TPTE: variants seen among roughly 807,000 people sequenced by gnomAD.
The protein encoded by TPTE is transmembrane phosphatase with tensin homology, also known as putative tyrosine-protein phosphatase TPTE.
TPTE carries 59 observed loss-of-function variants against 84.1 expected under a neutral mutation model. That is an observed-to-expected ratio of 0.70 (90% confidence interval 0.57 to 0.87). The LOEUF (loss-of-function observed/expected upper bound fraction) is 0.87, where lower values mean the gene tolerates loss of function less well. Among genes scored for constraint, TPTE ranks in the 40% least tolerant of loss-of-function variants. TPTE has a pLI of 0.00. For missense variants in TPTE, 382 were observed against 659.6 expected (o/e 0.58, Z 4.61); for synonymous variants, 130 against 223.5 (o/e 0.58, Z 3.73).
intron 1 of TPTE, among the ~76,000 whole-genome samples, chr21:10,522,556 T>C (rs1446098957): frequency 6.6e-6 from 1 of 152,310 alleles, no homozygotes; most frequent in Non-Finnish European, 1.5e-5. Flanking sequence ...CAGCATTGTT[T>C]CTTATTGTAG....
intron 9 of TPTE, among the ~76,000 whole-genome samples, chr21:10,559,894 GAAAA>G (rs1487667911): frequency 4.3e-5 from 6 of 138,086 alleles, no homozygotes; most frequent in Non-Finnish European, 6.3e-5. Context: ...AAAAAAAAAA[GAAAA>G]GAAAATATAT....
intron 1 of TPTE, among the ~76,000 whole-genome samples, chr21:10,523,005 T>C (rs924937349): frequency 5.3e-5 from 8 of 152,310 alleles, no homozygotes; most frequent in Admixed American, 2.0e-4. Context: ...CAACCTTGTC[T>C]ATTTTAGTGA....
intron 7 of TPTE, among the ~76,000 whole-genome samples, chr21:10,543,695 G>T (rs1450715217): frequency 6.6e-6 from 1 of 151,994 alleles, no homozygotes; most frequent in African/African-American, 2.4e-5. Context: ...AGGTCAGTTC[G>T]TAGGAGAGCT....
At chr21:10,553,874 T>C (rs1392895535) in intron 8 of TPTE, among the ~76,000 whole-genome samples, 5 of 152,424 alleles carry the variant, frequency 3.3e-5, no homozygotes, top group Middle Eastern at 3.4e-3. Context: ...TTTAAAAAAT[T>C]AGTAATAAAA....
At chr21:10,596,240 C>T (rs1359469046) in intron 20 of TPTE, among the ~76,000 whole-genome samples, 153 bp downstream of exon 20, 3 of 152,284 alleles carry the variant, frequency 2.0e-5, no homozygotes, top group Non-Finnish European at 2.9e-5. Flanking sequence ...ATTTATGCCG[C>T]TCCTCCTGCA....
chr21:10,597,783 T>C (rs2075615982), intron 20 of TPTE, among the ~76,000 whole-genome samples: 1 of 151,248 alleles, frequency 6.6e-6, no homozygotes, highest in South Asian at 2.1e-4. Context: ...AGCTGAACTA[T>C]ATGTATTTTT....
chr21:10,536,524 A>G (rs1265697121), intron 3 of TPTE, among the ~76,000 whole-genome samples: 1 of 152,308 alleles, frequency 6.6e-6, no homozygotes, highest in African/African-American at 2.4e-5. Context: ...AAAGAAATAT[A>G]TATGCAGATA....
chr21:10,523,657 A>T (rs36179666), intron 1 of TPTE, among the ~76,000 whole-genome samples: 1 of 152,300 alleles, frequency 6.6e-6, no homozygotes, highest in African/African-American at 2.4e-5. Context: ...ATAGTATTCC[A>T]TGGTGTATAT....
At chr21:10,547,368 C>T (rs532756632) in intron 7 of TPTE, among the ~76,000 whole-genome samples, 8 of 152,420 alleles carry the variant, frequency 5.2e-5, no homozygotes, top group Admixed American at 1.3e-4. Context: ...TGTGCAGCCC[C>T]TTCTGCCCCA....
At chr21:10,537,247 A>G (rs1225370345) in intron 3 of TPTE, among the ~76,000 whole-genome samples, 1 of 152,310 alleles carries the variant, frequency 6.6e-6, no homozygotes, top group Non-Finnish European at 1.5e-5. Context: ...GCTTGTGAGT[A>G]ATTCAAACCA....
intron 8 of TPTE, among the ~76,000 whole-genome samples, chr21:10,553,412 T>C (rs552583289): frequency 7.2e-5 from 11 of 152,418 alleles, no homozygotes; most frequent in African/African-American, 2.4e-4. Flanking sequence ...TTGTAAGCTG[T>C]TGGTGTCTAA....
At chr21:10,585,065 C>G (rs1167786434) in intron 17 of TPTE, among the ~76,000 whole-genome samples, 1 of 152,310 alleles carries the variant, frequency 6.6e-6, no homozygotes, top group Non-Finnish European at 1.5e-5. Flanking sequence ...AACCCTGTCT[C>G]TACTAAAAAA....
chr21:10,544,079 C>G (rs961986663), intron 7 of TPTE, among the ~76,000 whole-genome samples: 1 of 152,306 alleles, frequency 6.6e-6, no homozygotes, highest in African/African-American at 2.4e-5. Context: ...AGGGTTTTCC[C>G]AGTCATGTGA....
At chr21:10,573,393 C>T (rs113881486) in intron 14 of TPTE, among the ~76,000 whole-genome samples, 1 of 152,428 alleles carries the variant, frequency 6.6e-6, no homozygotes, top group African/African-American at 2.4e-5. Context: ...AATGCAGTAA[C>T]AGTTGGGGCC....
rs1426895138 is a variant in TPTE, at chr21:10,567,751, C to T, written c.528C>T (p.Tyr176=). The change falls in exon 11 of 24, where the codon TAC becomes TAT. Residue 176 remains tyrosine (Y), a synonymous_variant. Coordinates refer to ENST00000618007, the MANE Select transcript of TPTE (RefSeq NM_199261.4). ...IVILLLVDVV[Y]IFFDIKLLRN... ...TTCTTCTGCTGGTTGATGTCGTTTA[C>T]ATTTTTTTTGACATTAAGTTGCTTA... 7 of 1,613,536 alleles carry T rather than the reference C, an allele frequency of 4.3e-6. No homozygotes were observed. Among genetic ancestry groups the T allele is most frequent in the Non-Finnish European group, 5.1e-6 (6 of 1,179,614 alleles).
At chr21:10,572,015 A>T (rs1303038339) in intron 14 of TPTE, among the ~76,000 whole-genome samples, 1 of 152,304 alleles carries the variant, frequency 6.6e-6, no homozygotes, top group Admixed American at 6.5e-5. Flanking sequence ...AAAAAAAAAA[A>T]AAAAATACAA....
intron 3 of TPTE, among the ~76,000 whole-genome samples, chr21:10,536,026 C>G (rs1484588817): frequency 6.6e-6 from 1 of 152,312 alleles, no homozygotes. Context: ...ATCTGTAATC[C>G]CAGCACTTTG....
At chr21:10,552,199 C>G (rs1430245230) in intron 7 of TPTE, among the ~76,000 whole-genome samples, 2 of 152,308 alleles carry the variant, frequency 1.3e-5, no homozygotes, top group Admixed American at 6.5e-5. Context: ...CCATTGCAAA[C>G]TTAACAGGCT....
At position 10,541,132 on chromosome 21, in the gene TPTE, C is replaced by A. The variant is rs139096194; in HGVS notation, c.32C>A (p.Ala11Glu). The A allele has an allele frequency of 6.2e-7, 1 of 1,613,228 alleles. No individual in the cohort carries two copies. The highest frequency in any genetic ancestry group is 8.5e-7 in the Non-Finnish European group (1 of 1,179,270). Residue 11 changes from alanine (A) to glutamate (E), a missense_variant, in exon 5 of 24, where the codon GCG (alanine) becomes GAG (glutamate). By Grantham distance (107) the Ala-to-Glu change is moderately radical (BLOSUM62 -1). Transcript: ENST00000618007. MNESPDPTDL[A>E]GVIIELGPND... ...TTTAGTCCTGATCCGACTGACCTGGCGGGAGTCATCATTGAGCTCGGCCCC... is the reference window on the plus strand; with the variant it reads ...TTTAGTCCTGATCCGACTGACCTGGAGGGAGTCATCATTGAGCTCGGCCCC...
Sources: allele counts gnomAD v4.1 joint callset (sites outside exome capture counted in the v4.1 genomes callset), GRCh38; gene constraint gnomAD v4.1.1; transcripts MANE v1.5; gene names NCBI Gene and HGNC (gene_info 2026-07-23, HGNC 2026-07-21).